The following R3HDM2 variants were observed in gnomAD, a reference collection of about 807,000 sequenced individuals.
The protein encoded by R3HDM2 is R3H domain-containing protein 2.
Under a neutral mutation model 124.5 loss-of-function variants are expected in R3HDM2, and 38 were observed. That is an observed-to-expected ratio of 0.31 (90% CI 0.24 to 0.40). The LOEUF is 0.40. Among genes scored for constraint, R3HDM2 ranks in the 10% least tolerant of loss-of-function variants. The pLI is 1.00. For synonymous variants in R3HDM2, 391 were observed against 448.0 expected, an observed-to-expected ratio of 0.87 and a Z score of 1.61; for missense variants, 869 against 1,236.9, an observed-to-expected ratio of 0.70 and a Z score of 4.46.
Position 57,410,272 on chromosome 12 carries a change from T to G in R3HDM2, c.-105-14454A>C, listed in dbSNP as rs78565619. Reference sequence around the variant, plus strand: ...CTTGTGTTGAGGCTCTACCAACTATTAATACATCAATAGATCTTCACATTA... The same window carrying G: ...CTTGTGTTGAGGCTCTACCAACTATGAATACATCAATAGATCTTCACATTA... On this transcript the variant is annotated intron_variant, in intron 1 of 23. Coordinates refer to ENST00000402412, the MANE Select transcript of R3HDM2 (RefSeq NM_001394031.1). Among the ~76,000 whole-genome samples the G allele has an allele frequency of 9.0e-3, 1,329 of 147,078 alleles. 22 individuals are homozygous for G. Among genetic ancestry groups the G allele is most frequent in the East Asian group, 0.073 (365 of 5,018 alleles).
intron 2 of R3HDM2, among the ~76,000 whole-genome samples, chr12:57,324,672 G>C (rs987667499): frequency 5.9e-5 from 9 of 152,126 alleles, no homozygotes; most frequent in African/African-American, 2.2e-4. Context: ...ATTTTAAGTT[G>C]GGGCACACAG....
At chr12:57,266,976 TA>T (rs1565871632) in intron 18 of R3HDM2, 145 bp from the exon 19 acceptor site, 10 of 583,666 alleles carry the variant, frequency 1.7e-5, no homozygotes. Context: ...ATGCAATTTC[TA>T]AAATCACTCA....
rs115818372 is a variant in R3HDM2 at position 57,354,820 on chromosome 12, C to G, written c.-36+40929G>C. Among the ~76,000 whole-genome samples the G allele has an allele frequency of 5.9e-3, 903 of 152,064 alleles. 6 individuals are homozygous for G. Among genetic ancestry groups the G allele is most frequent in the Middle Eastern group, 0.027 (8 of 294 alleles). On this transcript the variant is annotated intron_variant, in intron 2 of 23. Transcript: ENST00000402412. ...TGCATTTTCATTTTCTCAACAGTGT[C>G]TTTAAAAAAGAATTTTATTTTCGAG...
intron 9 of R3HDM2, chr12:57,295,718 CT>C (rs1256766200): frequency 1.2e-5 from 6 of 519,408 alleles, no homozygotes; most frequent in Non-Finnish European, 2.1e-5. Context: ...ATAGTTATAT[CT>C]GTCCTATCAG....
chr12:57,341,410 C>T (rs932866219), intron 2 of R3HDM2: 4 of 984,576 alleles, frequency 4.1e-6, no homozygotes, highest in Non-Finnish European at 3.6e-6. Flanking sequence ...TTTTCTTCTT[C>T]CTTCTCTCCG....
chr12:57,333,621 G>A (rs921408214), intron 2 of R3HDM2, among the ~76,000 whole-genome samples: 1 of 152,144 alleles, frequency 6.6e-6, no homozygotes, highest in Non-Finnish European at 1.5e-5. Flanking sequence ...GAATCTGGGA[G>A]GCAGAGGTTG....
chr12:57,352,367 T>C (rs1054658266), intron 2 of R3HDM2, among the ~76,000 whole-genome samples: 33 of 152,038 alleles, frequency 2.2e-4, no homozygotes, highest in African/African-American at 7.7e-4. Flanking sequence ...CTGGCTAGAA[T>C]GACTCAATAT....
At chr12:57,344,453 A>G (rs1398236244) in intron 2 of R3HDM2, among the ~76,000 whole-genome samples, 2 of 152,256 alleles carry the variant, frequency 1.3e-5, no homozygotes, top group Non-Finnish European at 2.9e-5. Context: ...ATTTCCCAGC[A>G]TATGAAGAAT....
intron 2 of R3HDM2, among the ~76,000 whole-genome samples, chr12:57,314,250 C>T (rs568616553): frequency 2.7e-5 from 4 of 150,728 alleles, no homozygotes; most frequent in Admixed American, 6.6e-5. Context: ...GAGGCCGAGG[C>T]GGTTGGATAA....
At chr12:57,320,526 C>G (rs942665282) in intron 2 of R3HDM2, among the ~76,000 whole-genome samples, 1 of 151,944 alleles carries the variant, frequency 6.6e-6, no homozygotes, top group Non-Finnish European at 1.5e-5. Context: ...TTTCATCCAG[C>G]CAAATAGTAC....
intron 2 of R3HDM2, among the ~76,000 whole-genome samples, chr12:57,326,958 T>C (rs1158148499): frequency 6.7e-6 from 1 of 150,192 alleles, no homozygotes; most frequent in Non-Finnish European, 1.5e-5. Context: ...TTACTCAGTA[T>C]TTTAAGCCCA....
At chr12:57,293,674 T>C (rs574575687) in intron 10 of R3HDM2, among the ~76,000 whole-genome samples, 1 of 152,316 alleles carries the variant, frequency 6.6e-6, no homozygotes, top group Non-Finnish European at 1.5e-5. Flanking sequence ...ATCAAATGAA[T>C]ATCACCAGAT....
chr12:57,377,720 A>G (rs2064281109), intron 2 of R3HDM2, among the ~76,000 whole-genome samples: 1 of 152,168 alleles, frequency 6.6e-6, no homozygotes, highest in Non-Finnish European at 1.5e-5. Flanking sequence ...GCCCTATCAC[A>G]TACCAGGCTT....
intron 1 of R3HDM2, among the ~76,000 whole-genome samples, chr12:57,423,174 C>A (rs962587654): frequency 6.6e-6 from 1 of 152,092 alleles, no homozygotes; most frequent in Non-Finnish European, 1.5e-5. Context: ...GTAATCCCAG[C>A]ACTTTGGGAG....
At chr12:57,281,043 G>T (rs1273571154) in intron 13 of R3HDM2, among the ~76,000 whole-genome samples, 1 of 152,124 alleles carries the variant, frequency 6.6e-6, no homozygotes, top group African/African-American at 2.4e-5. Flanking sequence ...AGCACTTTGC[G>T]AGGCTGAGGC....
chr12:57,328,404 T>C (rs10735872), intron 2 of R3HDM2, among the ~76,000 whole-genome samples: 148,231 of 152,308 alleles, frequency 0.97, 72,265 homozygotes, highest in Middle Eastern at 1. Flanking sequence ...CCCCAACCTT[T>C]AGCAACCACC....
At chr12:57,256,145 TGA>T in intron 22 of R3HDM2, 71 bp from the exon 23 acceptor site, 1 of 1,474,718 alleles carries the variant, frequency 6.8e-7, no homozygotes, top group East Asian at 2.3e-5. Flanking sequence ...AATGTCTGCC[TGA>T]GAGATTGTGG....
intron 2 of R3HDM2, among the ~76,000 whole-genome samples, chr12:57,371,917 G>A (rs745665892): frequency 2.0e-5 from 3 of 152,136 alleles, no homozygotes; most frequent in Non-Finnish European, 4.4e-5. Flanking sequence ...GCCCAGGCTG[G>A]AGTGCAATGG....
intron 1 of R3HDM2, among the ~76,000 whole-genome samples, chr12:57,419,719 G>A (rs2070003502): frequency 1.3e-5 from 2 of 152,022 alleles, no homozygotes. Flanking sequence ...TAGGATTACA[G>A]GTGTAAGCCA....
Sources: allele counts gnomAD v4.1 joint callset (sites outside exome capture counted in the v4.1 genomes callset), GRCh38; gene constraint gnomAD v4.1.1; transcripts MANE v1.5; gene names NCBI Gene and HGNC (gene_info 2026-07-23, HGNC 2026-07-21).